The following OPALIN variants were observed in gnomAD, a reference collection of about 807,000 sequenced individuals.
OPALIN encodes the protein transmembrane protein 10.
A neutral mutation model predicts 17.8 loss-of-function variants in OPALIN; 15 were observed. The observed-to-expected ratio is 0.84, with a 90% CI of 0.56 to 1.29. The LOEUF is 1.29. Among genes scored for constraint, OPALIN ranks in the 50% most tolerant of loss-of-function variants. OPALIN has a pLI of 0.00. For missense variants in OPALIN, 170 were observed against 176.0 expected (o/e 0.97, Z 0.19); for synonymous variants, 62 against 63.8 (o/e 0.97, Z 0.14).
chr10:96,354,355 T>C, intron 2 of OPALIN, among the ~76,000 whole-genome samples: 1 of 152,230 alleles, frequency 6.6e-6, no homozygotes, highest in South Asian at 2.1e-4. Flanking sequence ...GACCCAATCA[T>C]TCCCATTTTA....
chr10:96,358,838 T>G (rs1387136572), intron 1 of OPALIN, 56 bp downstream of exon 1: 5 of 1,586,944 alleles, frequency 3.2e-6, no homozygotes, highest in Non-Finnish European at 4.3e-6. Context: ...AATTTGGAGG[T>G]TTTTTATAGT....
At chr10:96,348,563 T>A (rs1054818991) in intron 4 of OPALIN, among the ~76,000 whole-genome samples, 2 of 152,138 alleles carry the variant, frequency 1.3e-5, no homozygotes, top group African/African-American at 4.8e-5. Context: ...TCAAAAATAA[T>A]CCAGGGTGAG....
chr10:96,353,996 C>T (rs1845700677), intron 2 of OPALIN, among the ~76,000 whole-genome samples: 1 of 152,136 alleles, frequency 6.6e-6, no homozygotes, highest in Non-Finnish European at 1.5e-5. Flanking sequence ...TAACTTTATG[C>T]TACTCTCTAG....
chr10:96,349,070 C>A (rs1383022679), intron 4 of OPALIN, among the ~76,000 whole-genome samples: 4 of 152,154 alleles, frequency 2.6e-5, no homozygotes, highest in African/African-American at 9.7e-5. Flanking sequence ...TTTTCAATCT[C>A]TTAATTAATG....
Position 96,358,930 on chromosome 10 carries a change from C to T in OPALIN, c.-34G>A, listed in dbSNP as rs1270623806. On this transcript the variant is annotated 5_prime_UTR_variant, in exon 1 of 6. It adds an upstream start codon to the 5' untranslated region. Coordinates refer to ENST00000371172, the MANE Select transcript of OPALIN (RefSeq NM_033207.5). ...GTCTCCCAGGAACCTTCTTCGTACA[C>T]TGCCTTTGGTAAGCTCCTTTCTCAC... 1.9e-6 allele frequency: 3 copies of T among 1,613,106 alleles called. No individual in the cohort carries two copies. The highest frequency in any genetic ancestry group is 2.5e-6 in the Non-Finnish European group (3 of 1,179,004).
intron 4 of OPALIN, 125 bp from the exon 5 acceptor site, chr10:96,348,470 A>G (rs979674818): frequency 2.7e-5 from 14 of 517,874 alleles, no homozygotes; most frequent in Non-Finnish European, 4.7e-5. Flanking sequence ...AAACAAACAA[A>G]ACAAGCACAG....
chr10:96,355,392 G>T, intron 1 of OPALIN, 102 bp from the exon 2 acceptor site: 3 of 1,054,532 alleles, frequency 2.8e-6, no homozygotes, highest in Non-Finnish European at 4.4e-6. Context: ...AGAGGTCATT[G>T]ATCCTATAGA....
intron 1 of OPALIN, chr10:96,356,901 C>T (rs1282815955): frequency 5.1e-6 from 5 of 985,294 alleles, no homozygotes; most frequent in Non-Finnish European, 6.0e-6. Flanking sequence ...ACTTAGCTGT[C>T]ACCAGAACCT....
At chr10:96,346,314 G>C (rs1323438833) in intron 5 of OPALIN, among the ~76,000 whole-genome samples, 197 bp from the exon 6 acceptor site, 1 of 152,202 alleles carries the variant, frequency 6.6e-6, no homozygotes, top group Admixed American at 6.5e-5. Context: ...CAAATGAGGA[G>C]AGACCCACAA....
intron 2 of OPALIN, among the ~76,000 whole-genome samples, chr10:96,354,231 C>G (rs977314280): frequency 3.9e-5 from 6 of 152,086 alleles, no homozygotes; most frequent in Admixed American, 2.6e-4. Flanking sequence ...AATGTGCAAA[C>G]AGAAGACGGA....
At chr10:96,348,421 T>C (rs1845432045) in intron 4 of OPALIN, 76 bp from the exon 5 acceptor site, 1 of 704,528 alleles carries the variant, frequency 1.4e-6, no homozygotes, top group African/African-American at 1.8e-5. Flanking sequence ...ACCGTAACTA[T>C]GATTAAAATC....
intron 2 of OPALIN, among the ~76,000 whole-genome samples, chr10:96,354,490 G>A (rs1358040895): frequency 6.6e-6 from 1 of 151,958 alleles, no homozygotes; most frequent in Non-Finnish European, 1.5e-5. Flanking sequence ...AATATTATGC[G>A]ATCATAATAT....
chr10:96,355,161 T>C, intron 2 of OPALIN, 94 bp downstream of exon 2: 2 of 539,184 alleles, frequency 3.7e-6, no homozygotes, highest in East Asian at 4.0e-5. Flanking sequence ...CTTATCACCG[T>C]GTGTGAGGGG....
At chr10:96,355,175 A>C in intron 2 of OPALIN, 80 bp downstream of exon 2, 1 of 829,896 alleles carries the variant, frequency 1.2e-6, no homozygotes. Flanking sequence ...TGAGGGGTTT[A>C]TGTGAGTTCT....
chr10:96,356,691 T>C (rs947905403), intron 1 of OPALIN, among the ~76,000 whole-genome samples: 13 of 152,156 alleles, frequency 8.5e-5, no homozygotes, highest in African/African-American at 2.7e-4. Flanking sequence ...ACCAGAAGTG[T>C]TTTAAGCACC....
intron 1 of OPALIN, among the ~76,000 whole-genome samples, chr10:96,358,379 G>C (rs954147052): frequency 6.6e-6 from 1 of 152,084 alleles, no homozygotes; most frequent in Non-Finnish European, 1.5e-5. Context: ...ATAAACCACA[G>C]TCCCTTTATC....
chr10:96,351,728 G>A, intron 2 of OPALIN, among the ~76,000 whole-genome samples: 1 of 152,186 alleles, frequency 6.6e-6, no homozygotes, highest in South Asian at 2.1e-4. Flanking sequence ...CACACTTTGG[G>A]CCTACTTGTC....
chr10:96,357,481 A>G (rs1017008311), intron 1 of OPALIN, among the ~76,000 whole-genome samples: 3 of 152,114 alleles, frequency 2.0e-5, no homozygotes, highest in African/African-American at 7.2e-5. Context: ...GAGCCACCTG[A>G]TCTAAATTCG....
At chr10:96,350,493 T>C (rs4919003) in intron 3 of OPALIN, among the ~76,000 whole-genome samples, 136,611 of 152,232 alleles carry the variant, frequency 0.9, 61,351 homozygotes, top group East Asian at 0.98. Flanking sequence ...GGATTACAGG[T>C]TTGAGCCACC....
Sources: allele counts gnomAD v4.1 joint callset (sites outside exome capture counted in the v4.1 genomes callset), GRCh38; gene constraint gnomAD v4.1.1; transcripts MANE v1.5; gene names NCBI Gene and HGNC (gene_info 2026-07-23, HGNC 2026-07-21).